The following RCAN1 variants were observed in gnomAD, a reference collection of about 807,000 sequenced individuals.
RCAN1 encodes regulator of calcineurin 1, also known as calcipressin-1.
Under a neutral mutation model 22.9 loss-of-function variants are expected in RCAN1, and 11 were observed. That is an observed-to-expected ratio of 0.48 (90% confidence interval 0.30 to 0.79). RCAN1 has a LOEUF of 0.79. Ranked by LOEUF, RCAN1 falls within the 30% of genes least tolerant of loss-of-function variation. The probability of loss-of-function intolerance (pLI) is 0.06; values close to 1 mark genes in which losing one functional copy is unlikely to be tolerated. For missense variants in RCAN1, 291 were observed against 337.8 expected, an observed-to-expected ratio of 0.86 and a Z score of 1.09; for synonymous variants, 136 against 142.3, an observed-to-expected ratio of 0.96 and a Z score of 0.32.
intron 1 of RCAN1, among the ~76,000 whole-genome samples, chr21:34,524,912 C>G (rs1984904849): frequency 6.6e-6 from 1 of 152,174 alleles, no homozygotes; most frequent in Non-Finnish European, 1.5e-5. Flanking sequence ...ACAGTCAAAG[C>G]TCCAAGGAAG....
intron 1 of RCAN1, among the ~76,000 whole-genome samples, chr21:34,610,801 G>A (rs1306014758): frequency 6.6e-6 from 1 of 152,118 alleles, no homozygotes; most frequent in Non-Finnish European, 1.5e-5. Flanking sequence ...CATAAAGAAT[G>A]GAAGGATGTC....
chr21:34,590,873 T>A (rs8134042), intron 1 of RCAN1, among the ~76,000 whole-genome samples: 5,338 of 152,308 alleles, frequency 0.035, 250 homozygotes, highest in South Asian at 0.11. Flanking sequence ...TATAGCTGTA[T>A]ATTGGAGTGC....
At chr21:34,609,463 G>A (rs73900530) in intron 1 of RCAN1, among the ~76,000 whole-genome samples, 1,833 of 152,248 alleles carry the variant, frequency 0.012, 35 homozygotes, top group African/African-American at 0.041. Flanking sequence ...GGAGTGATGC[G>A]TTCTCAGACC....
chr21:34,524,701 T>C (rs4816490), intron 1 of RCAN1: 1,763 of 168,746 alleles, frequency 0.01, 53 homozygotes, highest in East Asian at 0.09. Context: ...CTTTCGTGTC[T>C]GTGCACACCT....
intron 1 of RCAN1, among the ~76,000 whole-genome samples, chr21:34,585,570 C>T (rs1476005406): frequency 5.3e-5 from 8 of 151,736 alleles, no homozygotes; most frequent in South Asian, 4.2e-4. Context: ...GGTGAAATCC[C>T]GTCTCCACTA....
chr21:34,577,704 C>T (rs1987457951), intron 1 of RCAN1, among the ~76,000 whole-genome samples: 1 of 152,170 alleles, frequency 6.6e-6, no homozygotes, highest in African/African-American at 2.4e-5. Context: ...GCTGCGTACT[C>T]CAGGCAGGAG....
intron 1 of RCAN1, among the ~76,000 whole-genome samples, chr21:34,610,434 C>T (rs531964738): frequency 6.6e-6 from 1 of 152,130 alleles, no homozygotes; most frequent in Non-Finnish European, 1.5e-5. Flanking sequence ...CGCCTGTAGG[C>T]CACAGGGTCA....
intron 1 of RCAN1, among the ~76,000 whole-genome samples, chr21:34,605,693 G>C (rs1238363234): frequency 1.3e-5 from 2 of 151,822 alleles, no homozygotes; most frequent in Admixed American, 6.6e-5. Flanking sequence ...AGGCCGAGGC[G>C]GGTGGATCAC....
At chr21:34,519,645 C>T (rs149179329) in intron 3 of RCAN1, among the ~76,000 whole-genome samples, 2,363 of 152,198 alleles carry the variant, frequency 0.016, 35 homozygotes, top group Admixed American at 0.036. Context: ...GATCCGCCTG[C>T]CTCAGCCTTC....
intron 1 of RCAN1, among the ~76,000 whole-genome samples, chr21:34,530,620 T>TTTTTGTTTGTTTG (rs1555856723): frequency 1.1e-5 from 1 of 87,480 alleles, no homozygotes; most frequent in South Asian, 3.8e-4. Flanking sequence ...GAAATAGTTT[T>TTTTTGTTTGTTTG]TTTTTTTTTT....
chr21:34,526,947 A>G (rs1283815333), intron 1 of RCAN1: 1 of 1,388,926 alleles, frequency 7.2e-7, no homozygotes, highest in Non-Finnish European at 9.3e-7. Flanking sequence ...CAAGTCCTGC[A>G]TGCTTGCAGG....
intron 1 of RCAN1, chr21:34,525,230 T>C: frequency 6.4e-7 from 1 of 1,550,574 alleles, no homozygotes; most frequent in Non-Finnish European, 8.7e-7. Context: ...GGGCTGCGGG[T>C]AGGAGCAGGG....
chr21:34,577,156 A>T (rs912833752), intron 1 of RCAN1, among the ~76,000 whole-genome samples: 2 of 152,246 alleles, frequency 1.3e-5, no homozygotes, highest in Non-Finnish European at 2.9e-5. Context: ...TGAGTGAGGG[A>T]GAAGCAAGAG....
At chr21:34,536,426 C>T (rs1033563246) in intron 1 of RCAN1, among the ~76,000 whole-genome samples, 1 of 152,212 alleles carries the variant, frequency 6.6e-6, no homozygotes, top group African/African-American at 2.4e-5. Context: ...GCTGTGGTCA[C>T]TCAGGCCCAG....
chr21:34,524,481 A>T (rs1984859796), intron 1 of RCAN1: 1 of 152,384 alleles, frequency 6.6e-6, no homozygotes, highest in South Asian at 2.1e-4. Flanking sequence ...AGATTTCTTT[A>T]AGGCTTAAAA....
chr21:34,518,011 T>C lies in RCAN1; in HGVS notation c.*73A>G, dbSNP rs1210884725. On this transcript the variant is annotated 3_prime_UTR_variant, in exon 4 of 4. Transcript: ENST00000313806. This position sits in a 1 kb window ranked among gnomAD's most constrained non-coding sequence, Gnocchi z 4.2. ...TCGGCTGCCACCTCCGAAGAAGTCG[T>C]GACCAGCCACCTCCACAGTAAAAGA... The C allele has an allele frequency of 6.4e-7, 1 of 1,571,296 alleles. No individual in the cohort carries two copies. The highest frequency in any genetic ancestry group is 2.2e-5 in the East Asian group (1 of 44,542).
chr21:34,521,395 C>T (rs760231733), intron 3 of RCAN1, 104 bp downstream of exon 3: 577 of 1,587,122 alleles, frequency 3.6e-4, no homozygotes, highest in Non-Finnish European at 4.6e-4. Flanking sequence ...AACATGCCGG[C>T]ATGGGCTCAG....
At chr21:34,557,236 A>C (rs186042600) in intron 1 of RCAN1, among the ~76,000 whole-genome samples, 1 of 152,332 alleles carries the variant, frequency 6.6e-6, no homozygotes, top group South Asian at 2.1e-4. Flanking sequence ...AAATTAAATT[A>C]AATTTAAAAA....
intron 1 of RCAN1, among the ~76,000 whole-genome samples, chr21:34,556,750 G>A (rs1303057076): frequency 6.6e-6 from 1 of 152,212 alleles, no homozygotes; most frequent in African/African-American, 2.4e-5. Context: ...CACCGTTCAG[G>A]TGAAGACCAA....
Sources: allele counts gnomAD v4.1 joint callset (sites outside exome capture counted in the v4.1 genomes callset), GRCh38; gene constraint gnomAD v4.1.1; non-coding constraint Gnocchi (gnomAD v3.1); transcripts MANE v1.5; gene names NCBI Gene and HGNC (gene_info 2026-07-23, HGNC 2026-07-21).